Variants in SEMA3A observed in about 807,000 individuals in gnomAD.
SEMA3A encodes the protein semaphorin-3A.
A neutral mutation model predicts 97.9 loss-of-function variants in SEMA3A; 29 were observed. That is an observed-to-expected ratio of 0.30 (90% CI 0.22 to 0.40). The LOEUF (loss-of-function observed/expected upper bound fraction) is 0.40, where lower values mean the gene tolerates loss of function less well. SEMA3A is among the 10% of genes least tolerant of loss of function. SEMA3A has a pLI of 1.00. For missense variants in SEMA3A, 763 were observed against 951.3 expected (o/e 0.80, Z 2.60); for synonymous variants, 321 against 323.7 (o/e 0.99, Z 0.09).
chr7:84,157,432 TTTG>T (rs1796877134), intron 1 of SEMA3A, among the ~76,000 whole-genome samples: 1 of 151,616 alleles, frequency 6.6e-6, no homozygotes, highest in Non-Finnish European at 1.5e-5. Context: ...CACGCACGGT[TTTG>T]TTGTTATCGT....
At chr7:84,275,905 T>A (rs1344412700) in intron 3 of SEMA3A, among the ~76,000 whole-genome samples, 1 of 152,128 alleles carries the variant, frequency 6.6e-6, no homozygotes, top group African/African-American at 2.4e-5. Context: ...TATAGATACA[T>A]TAATTTAAAT....
intron 2 of SEMA3A, among the ~76,000 whole-genome samples, chr7:84,360,983 A>C (rs974817417): frequency 6.6e-6 from 1 of 152,020 alleles, no homozygotes; most frequent in Non-Finnish European, 1.5e-5. Flanking sequence ...TACAGGTAAA[A>C]ATGTTATTTT....
At chr7:84,051,266 T>C (rs1307555398) in intron 5 of SEMA3A, among the ~76,000 whole-genome samples, 1 of 152,042 alleles carries the variant, frequency 6.6e-6, no homozygotes, top group Non-Finnish European at 1.5e-5. Flanking sequence ...GGTAGCTTGA[T>C]GGGGATGGCA....
At chr7:84,448,154 G>T (rs1805470297) in intron 1 of SEMA3A, among the ~76,000 whole-genome samples, 1 of 152,180 alleles carries the variant, frequency 6.6e-6, no homozygotes. Context: ...TGCACAGCCT[G>T]CCAGGTCGAG....
At chr7:84,425,732 G>A (rs568952660) in intron 1 of SEMA3A, among the ~76,000 whole-genome samples, 258 of 148,804 alleles carry the variant, frequency 1.7e-3, no homozygotes, top group Non-Finnish European at 3.0e-3. Flanking sequence ...CAGCACTTTG[G>A]GAGTCTGAGG....
chr7:84,030,692 T>C (rs756545700), intron 6 of SEMA3A, among the ~76,000 whole-genome samples: 23 of 152,168 alleles, frequency 1.5e-4, no homozygotes, highest in Non-Finnish European at 2.4e-4. Flanking sequence ...AATAACAGAT[T>C]CCTTGAATTA....
intron 6 of SEMA3A, among the ~76,000 whole-genome samples, chr7:84,032,127 T>C (rs1334528999): frequency 6.6e-6 from 1 of 152,172 alleles, no homozygotes; most frequent in East Asian, 1.9e-4. Flanking sequence ...TAGGGCATGC[T>C]AGGAGTTCAA....
intron 1 of SEMA3A, among the ~76,000 whole-genome samples, chr7:84,395,078 A>G (rs1803688095): frequency 6.6e-6 from 1 of 152,140 alleles, no homozygotes. Context: ...CTGAGTTTCC[A>G]AAAGATTACA....
At chr7:83,989,221 A>G (rs918818919) in intron 12 of SEMA3A, among the ~76,000 whole-genome samples, 1 of 152,190 alleles carries the variant, frequency 6.6e-6, no homozygotes, top group Non-Finnish European at 1.5e-5. Flanking sequence ...TTGAAGTGAA[A>G]TTAGCTAGCT....
chr7:84,236,572 GTTTATC>G (rs1270428609), intron 3 of SEMA3A, among the ~76,000 whole-genome samples: 1 of 152,010 alleles, frequency 6.6e-6, no homozygotes, highest in Non-Finnish European at 1.5e-5. Flanking sequence ...TCCATGCATA[GTTTATC>G]TTTATCTCGC....
intron 6 of SEMA3A, among the ~76,000 whole-genome samples, chr7:84,022,172 T>C (rs1482577160): frequency 3.3e-5 from 5 of 152,216 alleles, no homozygotes; most frequent in Non-Finnish European, 7.3e-5. Context: ...ATTCCCATTG[T>C]CCTGTGAAAC....
At position 84,244,475 on chromosome 7, in the gene SEMA3A, T is replaced by C. The variant is rs1012979930; in HGVS notation, c.-82-49807A>G. On this transcript the variant is annotated intron_variant, in intron 3 of 3. Transcript: ENST00000424555. ...CCTCCATCCCTTTATTTTGAGTCTA[T>C]GTGTGTCTGTGCACATGAGATGGGT... 1.1e-4 allele frequency among the ~76,000 whole-genome samples: 16 copies of C among 152,336 alleles called. No individual in the cohort carries two copies. The East Asian group carries it at 2.1e-3, about 20-fold the overall frequency.
At chr7:84,238,883 T>C (rs1799295773) in intron 3 of SEMA3A, among the ~76,000 whole-genome samples, 1 of 151,870 alleles carries the variant, frequency 6.6e-6, no homozygotes, top group Admixed American at 6.6e-5. Flanking sequence ...CCTGGCTAAT[T>C]TTTTTGCAGT....
intron 6 of SEMA3A, among the ~76,000 whole-genome samples, chr7:84,019,387 G>GA (rs36003945): frequency 0.15 from 19,435 of 133,676 alleles, 1,564 homozygotes; most frequent in East Asian, 0.39. Flanking sequence ...AGAGTAAAAA[G>GA]AAAAAAAAAA....
intron 1 of SEMA3A, among the ~76,000 whole-genome samples, chr7:84,175,955 A>T (rs567984764): frequency 2.0e-5 from 3 of 152,280 alleles, no homozygotes; most frequent in Admixed American, 1.3e-4. Context: ...ATCCACCAAC[A>T]CTAACAAGCA....
rs10278068 is a variant in SEMA3A, at chr7:84,429,911, G to A, written c.-245-58011C>T. Among the ~76,000 whole-genome samples the A allele has an allele frequency of 9.2e-4, 140 of 151,888 alleles. 1 individual carries two copies. The highest frequency in any genetic ancestry group is 3.2e-3 in the African/African-American group (133 of 41,474). ...GCATCTTTAACAAGAATACCAACATGTTAATCATCATAAAAATCCCACATA... is the reference window on the plus strand; with the variant it reads ...GCATCTTTAACAAGAATACCAACATATTAATCATCATAAAAATCCCACATA... On this transcript the variant is annotated intron_variant, in intron 1 of 3. Transcript: ENST00000424555.
intron 6 of SEMA3A, among the ~76,000 whole-genome samples, chr7:84,033,342 G>A (rs1791825143): frequency 6.6e-6 from 1 of 152,154 alleles, no homozygotes; most frequent in Non-Finnish European, 1.5e-5. Context: ...ATTTCTAAGA[G>A]TGCTAGCAGC....
intron 14 of SEMA3A, among the ~76,000 whole-genome samples, chr7:83,978,245 G>A (rs1030381076): frequency 1.3e-5 from 2 of 152,196 alleles, no homozygotes; most frequent in African/African-American, 4.8e-5. Context: ...GAATGAGAGA[G>A]AGAATAAATG....
At chr7:84,233,909 T>C (rs553949871) in intron 3 of SEMA3A, among the ~76,000 whole-genome samples, 1 of 151,942 alleles carries the variant, frequency 6.6e-6, no homozygotes, top group East Asian at 1.9e-4. Context: ...ATGCCTGAGA[T>C]AAATGGAATT....
Sources: gnomAD v4.1 joint callset for allele counts (sites outside exome capture counted in the v4.1 genomes callset) on GRCh38, gnomAD v4.1.1 for gene constraint, MANE v1.5 for transcripts, NCBI Gene and HGNC (gene_info 2026-07-23, HGNC 2026-07-21) for gene names.